The following NSMCE2 variants were observed in gnomAD, a reference collection of about 807,000 sequenced individuals.
The protein encoded by NSMCE2 is E3 SUMO-protein ligase NSE2.
Under a neutral mutation model 23.8 loss-of-function variants are expected in NSMCE2, and 24 were observed. The ratio of observed to expected loss-of-function variants is 1.01; its 90% CI spans 0.73 to 1.42. NSMCE2 has a LOEUF of 1.42. Ranked by LOEUF, NSMCE2 falls within the 40% of genes most tolerant of loss-of-function variation. The pLI is 0.00. For synonymous variants in NSMCE2, 92 were observed against 94.1 expected (o/e 0.98, Z 0.13); for missense variants, 284 against 296.5 (o/e 0.96, Z 0.31).
At chr8:125,249,453 G>T (rs1451008847) in intron 5 of NSMCE2, among the ~76,000 whole-genome samples, 1 of 152,058 alleles carries the variant, frequency 6.6e-6, no homozygotes, top group Non-Finnish European at 1.5e-5. Flanking sequence ...GGGAGTGTTC[G>T]GGACTCAAGT....
At chr8:125,172,320 A>C (rs1822261315) in intron 4 of NSMCE2, among the ~76,000 whole-genome samples, 2 of 152,246 alleles carry the variant, frequency 1.3e-5, no homozygotes, top group African/African-American at 2.4e-5. Context: ...TTCTTACTGC[A>C]GTGCAATATC....
At chr8:125,312,901 C>T (rs763194945) in intron 5 of NSMCE2, among the ~76,000 whole-genome samples, 8 of 151,856 alleles carry the variant, frequency 5.3e-5, no homozygotes, top group Non-Finnish European at 1.0e-4. Context: ...TGAACCAGCA[C>T]GGGGAGAGCA....
At chr8:125,317,120 T>A (rs1158473537) in intron 5 of NSMCE2, among the ~76,000 whole-genome samples, 1 of 151,264 alleles carries the variant, frequency 6.6e-6, no homozygotes, top group African/African-American at 2.4e-5. Context: ...CACTCCACCT[T>A]CCCAGAATAC....
At chr8:125,346,849 T>C (rs1198586408) in intron 5 of NSMCE2, among the ~76,000 whole-genome samples, 1 of 152,204 alleles carries the variant, frequency 6.6e-6, no homozygotes, top group African/African-American at 2.4e-5. Flanking sequence ...ATTAATAACA[T>C]GATGTCAGCT....
chr8:125,296,017 A>G (rs1268306475), intron 5 of NSMCE2, among the ~76,000 whole-genome samples: 1 of 152,248 alleles, frequency 6.6e-6, no homozygotes, highest in Non-Finnish European at 1.5e-5. Flanking sequence ...ATTACAGCTT[A>G]CAGCTTAGAT....
chr8:125,350,723 C>T (rs531913223), intron 5 of NSMCE2, among the ~76,000 whole-genome samples: 1 of 152,308 alleles, frequency 6.6e-6, no homozygotes, highest in Admixed American at 6.5e-5. Flanking sequence ...ATCACAAGAA[C>T]AGCATGGGAA....
intron 5 of NSMCE2, among the ~76,000 whole-genome samples, chr8:125,186,181 T>A (rs75734914): frequency 5.1e-4 from 78 of 152,336 alleles, no homozygotes; most frequent in African/African-American, 1.8e-3. Flanking sequence ...GAAAATTCTA[T>A]TTCAGTGTCC....
intron 5 of NSMCE2, among the ~76,000 whole-genome samples, chr8:125,317,916 G>C (rs1175784827): frequency 6.6e-6 from 1 of 152,108 alleles, no homozygotes; most frequent in Non-Finnish European, 1.5e-5. Context: ...GATGCCCTCA[G>C]TAAAGTCAAA....
intron 5 of NSMCE2, among the ~76,000 whole-genome samples, chr8:125,308,854 A>T (rs1828859110): frequency 6.6e-6 from 1 of 152,174 alleles, no homozygotes; most frequent in Non-Finnish European, 1.5e-5. Context: ...TATTCTGAAG[A>T]TAGATGAAGA....
At chr8:125,354,063 C>T (rs1245852919) in intron 5 of NSMCE2, among the ~76,000 whole-genome samples, 1 of 151,202 alleles carries the variant, frequency 6.6e-6, no homozygotes, top group Non-Finnish European at 1.5e-5. Context: ...TCCTGAGTAG[C>T]TCAGGTTATA....
intron 3 of NSMCE2, among the ~76,000 whole-genome samples, chr8:125,122,865 CT>C: frequency 6.6e-6 from 1 of 152,222 alleles, no homozygotes; most frequent in South Asian, 2.1e-4. Context: ...CAAGTTGGGG[CT>C]TCGTGTTCCA....
intron 3 of NSMCE2, among the ~76,000 whole-genome samples, chr8:125,106,715 G>T (rs77603948): frequency 0.052 from 7,839 of 150,490 alleles, 253 homozygotes; most frequent in African/African-American, 0.084. Flanking sequence ...TTTCATTTTG[G>T]CCGGGTGCTG....
rs556738372 is a variant in NSMCE2, at chr8:125,352,231, A to G, written c.419-4988A>G. Among the ~76,000 whole-genome samples, 3 of 152,316 alleles carry G rather than the reference A, an allele frequency of 2.0e-5. No individual in the cohort carries two copies. The East Asian group carries it at 5.8e-4, about 29-fold the overall frequency. ...CGTGGTGGCTCACGCCTGTAATCCC[A>G]GCACTTTGGGAGGCCGAGGTGGGCA... On this transcript the variant is annotated intron_variant, in intron 5 of 7. Coordinates refer to ENST00000287437, the MANE Select transcript of NSMCE2 (RefSeq NM_173685.4).
At chr8:125,364,356 T>G (rs1813695020) in intron 7 of NSMCE2, among the ~76,000 whole-genome samples, 2 of 152,218 alleles carry the variant, frequency 1.3e-5, no homozygotes, top group Admixed American at 1.3e-4. Context: ...AAGAAATACT[T>G]TCTTTCATGT....
intron 5 of NSMCE2, among the ~76,000 whole-genome samples, chr8:125,219,813 GT>G (rs1351836266): frequency 6.6e-6 from 1 of 152,168 alleles, no homozygotes; most frequent in Non-Finnish European, 1.5e-5. Context: ...AAAAATCACT[GT>G]GAAAAAGAAC....
At chr8:125,366,546 A>C (rs1253152138) in intron 7 of NSMCE2, among the ~76,000 whole-genome samples, 2 of 152,116 alleles carry the variant, frequency 1.3e-5, no homozygotes, top group African/African-American at 4.8e-5. Flanking sequence ...AAGTTAGCTC[A>C]TGATAAGGCA....
chr8:125,119,260 G>C (rs1433735736), intron 3 of NSMCE2, among the ~76,000 whole-genome samples: 2 of 152,154 alleles, frequency 1.3e-5, no homozygotes, highest in South Asian at 2.1e-4. Context: ...AAGTTGGCAT[G>C]GTTTCTCCAC....
At chr8:125,106,950 C>T (rs1407826494) in intron 3 of NSMCE2, among the ~76,000 whole-genome samples, 1 of 151,262 alleles carries the variant, frequency 6.6e-6, no homozygotes, top group African/African-American at 2.4e-5. Context: ...GAGCCGAGAT[C>T]ACGCCACTGC....
chr8:125,353,570 A>G (rs1039154491), intron 5 of NSMCE2, among the ~76,000 whole-genome samples: 1 of 152,164 alleles, frequency 6.6e-6, no homozygotes, highest in Non-Finnish European at 1.5e-5. Context: ...AACATACTAT[A>G]ATATGGTACC....
Sources: allele counts gnomAD v4.1 joint callset (sites outside exome capture counted in the v4.1 genomes callset), GRCh38; gene constraint gnomAD v4.1.1; transcripts MANE v1.5; gene names NCBI Gene and HGNC (gene_info 2026-07-23, HGNC 2026-07-21).